NPNT: variants seen among roughly 807,000 people sequenced by gnomAD.
The protein encoded by NPNT is nephronectin, also known as preosteoblast EGF-like repeat protein with MAM domain.
In NPNT, 45 loss-of-function variants were observed where a neutral mutation model predicts 68.6. The observed-to-expected ratio is 0.66, with a 90% CI of 0.52 to 0.84. The LOEUF is 0.84. Ranked by LOEUF, NPNT falls within the 40% of genes least tolerant of loss-of-function variation. The pLI is 0.00. For missense variants in NPNT, 672 were observed against 714.8 expected (o/e 0.94, Z 0.68); for synonymous variants, 233 against 253.3 (o/e 0.92, Z 0.76).
intron 2 of NPNT, among the ~76,000 whole-genome samples, chr4:105,916,687 T>C (rs141849867): frequency 1.4e-4 from 22 of 152,326 alleles, no homozygotes; most frequent in East Asian, 1.3e-3. Flanking sequence ...GCATGAAGCA[T>C]ATCTCACATT....
intron 8 of NPNT, among the ~76,000 whole-genome samples, chr4:105,950,267 A>AT (rs748030829): frequency 6.6e-6 from 1 of 151,952 alleles, no homozygotes; most frequent in Non-Finnish European, 1.5e-5. Context: ...CAGGAAACAG[A>AT]TTTTTTTTCC....
At chr4:105,919,199 A>G (rs1280661488) in intron 2 of NPNT, among the ~76,000 whole-genome samples, 1 of 152,154 alleles carries the variant, frequency 6.6e-6, no homozygotes, top group African/African-American at 2.4e-5. Context: ...AGCAATAGGA[A>G]CAGTAAATAC....
chr4:105,936,050 G>A (rs539172974), intron 3 of NPNT, among the ~76,000 whole-genome samples: 1 of 152,208 alleles, frequency 6.6e-6, no homozygotes, highest in South Asian at 2.1e-4. Context: ...TATATTTTGG[G>A]CATTACTATT....
intron 7 of NPNT, 62 bp downstream of exon 7, chr4:105,940,698 C>T: frequency 1.4e-6 from 2 of 1,414,316 alleles, no homozygotes; most frequent in Non-Finnish European, 9.9e-7. Flanking sequence ...ACACAAAGGC[C>T]ATTGCTAGGG....
intron 2 of NPNT, among the ~76,000 whole-genome samples, chr4:105,899,665 G>T (rs1203349793): frequency 6.6e-6 from 1 of 152,198 alleles, no homozygotes; most frequent in Non-Finnish European, 1.5e-5. Context: ...CAAAATCAAA[G>T]TAGTTCCAAG....
intron 8 of NPNT, among the ~76,000 whole-genome samples, chr4:105,949,463 A>G (rs1161175762): frequency 6.6e-6 from 1 of 152,136 alleles, no homozygotes; most frequent in Non-Finnish European, 1.5e-5. Flanking sequence ...AGGGTTGGGG[A>G]GGGCAGAAAG....
intron 2 of NPNT, among the ~76,000 whole-genome samples, chr4:105,921,630 G>A (rs1728264365): frequency 6.6e-6 from 1 of 152,150 alleles, no homozygotes; most frequent in African/African-American, 2.4e-5. Context: ...GCTTTCCCCT[G>A]GAGATCTTGG....
intron 3 of NPNT, chr4:105,932,826 G>A: frequency 1.6e-6 from 1 of 630,266 alleles, no homozygotes; most frequent in Non-Finnish European, 2.7e-6. Flanking sequence ...CCCTGAGCAT[G>A]AGCAAGCAGC....
chr4:105,939,515 A>C (rs1262362213), intron 5 of NPNT, among the ~76,000 whole-genome samples: 1 of 152,224 alleles, frequency 6.6e-6, no homozygotes, highest in African/African-American at 2.4e-5. Flanking sequence ...AAGTGCAAGT[A>C]GAAATAGTTA....
intron 2 of NPNT, 191 bp from the exon 3 acceptor site, chr4:105,927,145 A>G (rs984804934): frequency 3.4e-5 from 15 of 443,358 alleles, no homozygotes; most frequent in African/African-American, 3.0e-4. Flanking sequence ...ACACACACAT[A>G]TACATACATA....
intron 4 of NPNT, 106 bp downstream of exon 4, chr4:105,937,234 A>G: frequency 9.0e-7 from 1 of 1,108,832 alleles, no homozygotes; most frequent in East Asian, 2.4e-5. Flanking sequence ...CCTAAACAAG[A>G]TGTGTGCGTG....
chr4:105,934,969 A>G (rs926686935), intron 3 of NPNT, among the ~76,000 whole-genome samples: 1 of 152,284 alleles, frequency 6.6e-6, no homozygotes, highest in South Asian at 2.1e-4. Flanking sequence ...ACTGGAGCCA[A>G]ATTGTAGAAG....
rs58673636 is a variant in NPNT, at chr4:105,898,380, C to CTCTCTCTCTCTCTCTT, written c.172+379_172+380insTCTCTCTCTCTCTCTT. Among the ~76,000 whole-genome samples, 21 of 112,464 alleles carry CTCTCTCTCTCTCTCTT rather than the reference C, an allele frequency of 1.9e-4. 3 individuals are homozygous for CTCTCTCTCTCTCTCTT. The highest frequency in any genetic ancestry group is 8.3e-4 in the African/African-American group (19 of 22,966). The allele number at this position is 112,464 out of a possible 152,430, so 73.8% of individuals were successfully genotyped here. A position where few individuals can be genotyped will look rare whatever the true frequency, so the allele number is the denominator to read the frequency against. On this transcript the variant is annotated intron_variant, in intron 2 of 11. Transcript: ENST00000379987. ...TCTCTCTCTCTCTCTCTCTCTCTCT[C>CTCTCTCTCTCTCTCTT]GCTGACTCGCTTGCTCCAGGCTGGG...
intron 2 of NPNT, among the ~76,000 whole-genome samples, chr4:105,914,420 A>AAT (rs534318619): frequency 8.4e-4 from 116 of 137,780 alleles, no homozygotes; most frequent in Non-Finnish European, 1.5e-3. Context: ...TATATATTAT[A>AAT]ATATATATAT....
intron 8 of NPNT, among the ~76,000 whole-genome samples, chr4:105,949,955 C>G (rs907780901): frequency 5.3e-5 from 8 of 152,038 alleles, no homozygotes; most frequent in Admixed American, 5.2e-4. Context: ...TTGTCTTTAT[C>G]CAGTAATTTT....
At chr4:105,953,027 G>A (rs955438529) in intron 8 of NPNT, among the ~76,000 whole-genome samples, 2 of 152,106 alleles carry the variant, frequency 1.3e-5, no homozygotes, top group African/African-American at 4.8e-5. Context: ...TTAGCCAGGG[G>A]TGGTGGTGCA....
intron 2 of NPNT, among the ~76,000 whole-genome samples, chr4:105,923,884 T>C (rs1184288980): frequency 6.6e-6 from 1 of 152,156 alleles, no homozygotes; most frequent in Non-Finnish European, 1.5e-5. Flanking sequence ...CATTCTATAT[T>C]AAAGCAGAAG....
Position 105,943,018 on chromosome 4 carries a change from G to A in NPNT, c.1159+316G>A, listed in dbSNP as rs541765437. Among the ~76,000 whole-genome samples, 19 of 152,336 alleles carry A rather than the reference G, an allele frequency of 1.2e-4. No individual in the cohort carries two copies. In the South Asian group the frequency reaches 3.9e-3, roughly 32 times the overall value. Reference sequence around the variant, plus strand: ...AGGTGGGAACTTAACTGTATTCCATGCTATGTTACTTTTAATCTAACCCTT... The same window carrying A: ...AGGTGGGAACTTAACTGTATTCCATACTATGTTACTTTTAATCTAACCCTT... On this transcript the variant is annotated intron_variant, in intron 8 of 11. Transcript: ENST00000379987.
In NPNT at chr4:105,951,784, C is replaced by T. The variant is rs536008052; in HGVS notation, c.1160-6687C>T. On this transcript the variant is annotated intron_variant, in intron 8 of 11. Transcript: ENST00000379987. ...AAAGAAAATATCATTCTCTCCAAAACGTATAAATGGGCCCTTGGTGATTGT... is the reference window on the plus strand; with the variant it reads ...AAAGAAAATATCATTCTCTCCAAAATGTATAAATGGGCCCTTGGTGATTGT... Among the ~76,000 whole-genome samples the T allele has an allele frequency of 1.8e-4, 27 of 152,272 alleles. No individual in the cohort carries two copies. The South Asian group carries it at 2.7e-3, about 15-fold the overall frequency.
Sources: gnomAD v4.1 joint callset for allele counts (sites outside exome capture counted in the v4.1 genomes callset) on GRCh38, gnomAD v4.1.1 for gene constraint, MANE v1.5 for transcripts, NCBI Gene and HGNC (gene_info 2026-07-23, HGNC 2026-07-21) for gene names.